The following REEP5 variants were observed in gnomAD, a reference collection of about 807,000 sequenced individuals.
REEP5 encodes the protein receptor accessory protein 5, also known as receptor expression-enhancing protein 5.
REEP5 carries 24 observed loss-of-function variants against 22.4 expected under a neutral mutation model. That is an observed-to-expected ratio of 1.07 (90% CI 0.78 to 1.51). The LOEUF is 1.51. Ranked by LOEUF, REEP5 falls within the 40% of genes most tolerant of loss-of-function variation. The probability of loss-of-function intolerance (pLI) is 0.00; values close to 1 mark genes in which losing one functional copy is unlikely to be tolerated. For synonymous variants in REEP5, 103 were observed against 88.6 expected (o/e 1.16, Z -0.92); for missense variants, 252 against 233.0 (o/e 1.08, Z -0.53).
Position 112,879,347 on chromosome 5 carries a change from G to A in REEP5, c.521-512C>T, listed in dbSNP as rs1465532104. On this transcript the variant is annotated intron_variant, in intron 4 of 4. Coordinates refer to ENST00000379638, the MANE Select transcript of REEP5 (RefSeq NM_005669.5). The stretch of plus-strand genomic sequence containing the variant: ...GTTTGGGGGGGGGGGCTGGGGGGGC[G>A]GTGGGGGAGAGGAGATTAGTTCCAG... Among the ~76,000 whole-genome samples, 5 of 135,202 alleles carry A rather than the reference G, an allele frequency of 3.7e-5. No homozygotes were observed. The South Asian group carries it at 7.7e-4, about 21-fold the overall frequency. 88.7% of individuals were successfully genotyped at this position (135,202 alleles called of 152,430 possible).
intron 3 of REEP5, among the ~76,000 whole-genome samples, chr5:112,887,627 T>C (rs1768299842): frequency 6.6e-6 from 1 of 152,198 alleles, no homozygotes; most frequent in South Asian, 2.1e-4. Flanking sequence ...ATTCATCCTA[T>C]TATGGAAAAA....
At chr5:112,891,578 C>G in intron 3 of REEP5, 1 of 1,552,222 alleles carries the variant, frequency 6.4e-7, no homozygotes, top group Non-Finnish European at 8.7e-7. Context: ...CAGCTATGAA[C>G]AAAATCTTCC....
intron 4 of REEP5, 83 bp from the exon 5 acceptor site, chr5:112,878,918 A>G (rs2150032474): frequency 1.2e-6 from 2 of 1,604,334 alleles, no homozygotes; most frequent in East Asian, 2.2e-5. Flanking sequence ...TGCCTAATGT[A>G]GCTACTAGAT....
At chr5:112,907,318 A>G (rs563508648) in intron 2 of REEP5, among the ~76,000 whole-genome samples, 1 of 152,240 alleles carries the variant, frequency 6.6e-6, no homozygotes, top group East Asian at 1.9e-4. Flanking sequence ...ACACCCACAT[A>G]CAGCTTCTGT....
Position 112,893,023 on chromosome 5 carries a change from G to A in REEP5, c.352-5840C>T, listed in dbSNP as rs1312978436. The A allele has an allele frequency of 3.9e-6, 6 of 1,540,066 alleles. No individual in the cohort carries two copies. In the African/African-American group the frequency reaches 8.3e-5, roughly 21 times the overall value. ...AAGTTCCTCTAGGTGCCGAAGTCGT[G>A]GGAGGAGGAAGTCGGGTAATAGAGA... On this transcript the variant is annotated intron_variant, in intron 3 of 4. Transcript: ENST00000379638.
rs1329432516 is a variant in REEP5, at chr5:112,876,922, T to A, written c.*1864A>T. Reference sequence around the variant, plus strand: ...CAATAGTAACTTTTGTACCTCCTCATCTTGTCTGATAATATATTCTATATG... The same window carrying A: ...CAATAGTAACTTTTGTACCTCCTCAACTTGTCTGATAATATATTCTATATG... On this transcript the variant is annotated 3_prime_UTR_variant, in exon 5 of 5. Coordinates refer to ENST00000379638, the MANE Select transcript of REEP5 (RefSeq NM_005669.5). 1 of 152,212 alleles carries A rather than the reference T, an allele frequency of 6.6e-6. No individual in the cohort carries two copies. Among genetic ancestry groups the A allele is most frequent in the Non-Finnish European group, 1.5e-5 (1 of 68,020 alleles). 9.4% of individuals were successfully genotyped at this position (152,212 alleles called of 1,614,324 possible).
rs755747833 is a variant in REEP5 at position 112,922,092 on chromosome 5, GTTCACGCCGGT to G, written c.88_98del (p.Thr30GlnfsTer40). ...ACCCACCAAGAGCGATGAAGCTCCT[GTTCACGCCGGT>G]TTTGGCCTCGAGCTTGGCCAGAAGG... On this transcript the variant is annotated frameshift_variant, in exon 1 of 5. Transcript: ENST00000379638. LOFTEE classifies it high-confidence loss of function. 6.2e-7 allele frequency: 1 copy of G among 1,603,948 alleles called. No individual in the cohort carries two copies. The highest frequency in any genetic ancestry group is 1.4e-5 in the African/African-American group (1 of 73,980).
intron 3 of REEP5, chr5:112,894,987 C>G (rs1768633855): frequency 6.6e-6 from 1 of 151,974 alleles, no homozygotes; most frequent in African/African-American, 2.4e-5. Context: ...GCCTGTAATC[C>G]CAGCACTTTA....
chr5:112,914,738 G>T (rs1198375737), intron 2 of REEP5, among the ~76,000 whole-genome samples: 1 of 152,098 alleles, frequency 6.6e-6, no homozygotes, highest in Non-Finnish European at 1.5e-5. Flanking sequence ...GATGCGGACC[G>T]CAGTCTAGAC....
chr5:112,922,018 G>T, intron 1 of REEP5, 55 bp downstream of exon 1: 1 of 1,551,544 alleles, frequency 6.4e-7, no homozygotes. Flanking sequence ...CCCAGCAGCT[G>T]GGGCAGCGGC....
intron 3 of REEP5, chr5:112,896,996 T>G (rs567942026): frequency 6.6e-6 from 1 of 152,292 alleles, no homozygotes; most frequent in African/African-American, 2.4e-5. Flanking sequence ...AGATATTAAT[T>G]GCAGCATTAT....
chr5:112,899,486 G>A (rs1768795156), intron 3 of REEP5, among the ~76,000 whole-genome samples: 1 of 152,084 alleles, frequency 6.6e-6, no homozygotes, highest in Non-Finnish European at 1.5e-5. Flanking sequence ...AAAAATTTCT[G>A]GGTCTGTACA....
intron 2 of REEP5, 64 bp from the exon 3 acceptor site, chr5:112,902,582 C>T: frequency 6.9e-7 from 1 of 1,450,010 alleles, no homozygotes; most frequent in South Asian, 1.4e-5. Context: ...TTTTCAAATA[C>T]ACTTTCATAA....
chr5:112,901,953 A>T (rs2150044065), intron 3 of REEP5, among the ~76,000 whole-genome samples: 1 of 148,652 alleles, frequency 6.7e-6, no homozygotes, highest in Non-Finnish European at 1.5e-5. Flanking sequence ...ACGGAGCAAG[A>T]CTCCATCTCA....
At chr5:112,901,112 T>G (rs1768833565) in intron 3 of REEP5, among the ~76,000 whole-genome samples, 1 of 152,122 alleles carries the variant, frequency 6.6e-6, no homozygotes, top group African/African-American at 2.4e-5. Context: ...GTGCTAGAAT[T>G]GCAGGCATGA....
chr5:112,888,885 C>G (rs773281646), intron 3 of REEP5, among the ~76,000 whole-genome samples: 1 of 150,726 alleles, frequency 6.6e-6, no homozygotes, highest in South Asian at 2.1e-4. Context: ...CCATAATTCT[C>G]ATGTGTTGTG....
chr5:112,900,351 A>T (rs1283115087), intron 3 of REEP5, among the ~76,000 whole-genome samples: 1 of 152,216 alleles, frequency 6.6e-6, no homozygotes. Flanking sequence ...AGTTGAATTT[A>T]TCAAATCTTT....
At chr5:112,902,352 A>G (rs1397035015) in intron 3 of REEP5, 28 bp downstream of exon 3, 1 of 1,589,836 alleles carries the variant, frequency 6.3e-7, no homozygotes, top group African/African-American at 1.4e-5. Context: ...ACTGAGATGG[A>G]GTTTTAGTGG....
chr5:112,908,864 A>C (rs1480799985), intron 2 of REEP5, among the ~76,000 whole-genome samples: 2 of 142,296 alleles, frequency 1.4e-5, no homozygotes, highest in East Asian at 4.1e-4. Context: ...CCAGCTAATG[A>C]TTTTTTTTTT....
Sources: allele counts gnomAD v4.1 joint callset (sites outside exome capture counted in the v4.1 genomes callset), GRCh38; gene constraint gnomAD v4.1.1; transcripts MANE v1.5; gene names NCBI Gene and HGNC (gene_info 2026-07-23, HGNC 2026-07-21).